The following NPY2R variants were observed in gnomAD, a reference collection of about 807,000 sequenced individuals.
NPY2R encodes the protein neuropeptide Y receptor Y2, also known as neuropeptide Y receptor type 2.
NPY2R carries 17 observed loss-of-function variants against 22.3 expected under a neutral mutation model. The ratio of observed to expected loss-of-function variants is 0.76; its 90% confidence interval spans 0.52 to 1.14. NPY2R has a LOEUF of 1.14. NPY2R is among the 50% of genes most tolerant of loss of function. The pLI, the probability that NPY2R is intolerant of heterozygous loss-of-function variation, is 0.00. For synonymous variants in NPY2R, 209 were observed against 183.4 expected, an observed-to-expected ratio of 1.14 and a Z score of -1.13; for missense variants, 424 against 467.9, an observed-to-expected ratio of 0.91 and a Z score of 0.87.
chr4:155,194,161 G>A, the NPY2R span, among the ~76,000 whole-genome samples: 85 of 150,166 alleles, frequency 5.7e-4, no homozygotes, highest in African/African-American at 1.7e-3. Context: ...ACACATTTTC[G>A]TTTGTGCAAG....
chr4:155,194,744 T>G, the NPY2R span, among the ~76,000 whole-genome samples: 1 of 152,156 alleles, frequency 6.6e-6, no homozygotes, highest in African/African-American at 2.4e-5. Flanking sequence ...TATATTCCTT[T>G]GAGTGTATAC....
the NPY2R span, among the ~76,000 whole-genome samples, chr4:155,193,026 G>C: frequency 1.3e-5 from 2 of 151,882 alleles, no homozygotes; most frequent in African/African-American, 2.4e-5. Flanking sequence ...GTGTTTGAGA[G>C]TAAAGATGTT....
chr4:155,190,952 T>C, the NPY2R span, among the ~76,000 whole-genome samples: 1 of 151,992 alleles, frequency 6.6e-6, no homozygotes, highest in Non-Finnish European at 1.5e-5. Flanking sequence ...AACTTAATTA[T>C]ATTTTCAGAA....
the NPY2R span, among the ~76,000 whole-genome samples, chr4:155,198,350 A>C: frequency 4.0e-5 from 6 of 151,022 alleles, no homozygotes; most frequent in African/African-American, 1.5e-4. Context: ...TGAATAAATA[A>C]CCCTTTTTCA....
At position 155,216,863 on chromosome 4, in the gene NPY2R, A is replaced by G. The variant is rs1474887283; in HGVS notation, c.*1778A>G. The stretch of plus-strand genomic sequence containing the variant: ...GTCACTTTGCTTAAGATGCTAATAG[A>G]AAACTGTGGTTAAAGATTTACCCTC... On this transcript the variant is annotated 3_prime_UTR_variant, in exon 2 of 2. Transcript: ENST00000329476. 1.2e-5 allele frequency: 2 copies of G among 167,186 alleles called. No individual in the cohort carries two copies. Among genetic ancestry groups the G allele is most frequent in the East Asian group, 3.9e-4 (2 of 5,182 alleles). The allele number at this position is 167,186 out of a possible 1,614,324, so 10.4% of individuals were successfully genotyped here.
At position 155,214,217 on chromosome 4, in the gene NPY2R, C is replaced by T; in HGVS notation, c.278C>T (p.Ala93Val). Residue 93 changes from alanine (A) to valine (V), a missense_variant, in exon 2 of 2, where the codon GCT (alanine) becomes GTT (valine). Ala to Val is a moderately conservative substitution (Grantham distance 64). Coordinates refer to ENST00000329476, the MANE Select transcript of NPY2R (RefSeq NM_000910.4). ...ACCAACTTTTTCATTGCCAATCTGG[C>T]TGTGGCAGATCTTTTGGTGAACACT... ...TVTNFFIANL[A>V]VADLLVNTLC... 5.0e-6 allele frequency: 8 copies of T among 1,614,146 alleles called. No homozygotes were observed. The highest frequency in any genetic ancestry group is 6.8e-6 in the Non-Finnish European group (8 of 1,179,994).
chr4:155,183,969 C>A, the NPY2R span, among the ~76,000 whole-genome samples: 1 of 152,158 alleles, frequency 6.6e-6, no homozygotes, highest in Non-Finnish European at 1.5e-5. Context: ...TAGTAAACTC[C>A]ATCCCCTCTC....
At chr4:155,174,484 A>ATATATATATATATATATATATTTTTTT in the NPY2R span, among the ~76,000 whole-genome samples, 4 of 106,070 alleles carry the variant, frequency 3.8e-5, no homozygotes, top group East Asian at 2.9e-4. Context: ...ATATATATAT[A>ATATATATATATATATATATATTTTTTT]TTTTTTTTTT....
chr4:155,212,182 C>T (rs1729419900), intron 1 of NPY2R, among the ~76,000 whole-genome samples: 1 of 152,120 alleles, frequency 6.6e-6, no homozygotes, highest in African/African-American at 2.4e-5. Context: ...CAAACACATT[C>T]ATTGAAAGGT....
rs557905436 is a variant in NPY2R, at chr4:155,214,027, G to A, written c.88G>A (p.Gly30Ser). The A allele has an allele frequency of 1.3e-5, 21 of 1,614,064 alleles. No individual in the cohort carries two copies. In the African/African-American group the frequency reaches 2.8e-4, roughly 22 times the overall value. ...EQYGPQTTPR[G>S]ELVPDPEPEL... ...ATACGGGCCACAAACAACTCCTAGA[G>A]GTGAACTGGTCCCTGACCCTGAGCC... Residue 30 changes from glycine (G) to serine (S), a missense_variant, in exon 2 of 2, where the codon GGT becomes AGT. Gly to Ser is a moderately conservative substitution (Grantham distance 56). Transcript: ENST00000329476.
the NPY2R span, among the ~76,000 whole-genome samples, chr4:155,201,860 A>T: frequency 6.6e-6 from 1 of 152,136 alleles, no homozygotes; most frequent in South Asian, 2.1e-4. Context: ...GCACAGCAGG[A>T]TATCTACCAC....
chr4:155,206,320 T>G (rs969731493), upstream of NPY2R, among the ~76,000 whole-genome samples: 11 of 152,204 alleles, frequency 7.2e-5, no homozygotes, highest in South Asian at 2.1e-3. Context: ...CACCACCACT[T>G]CCACAAACTC....
chr4:155,193,990 A>G, the NPY2R span, among the ~76,000 whole-genome samples: 2 of 151,970 alleles, frequency 1.3e-5, no homozygotes, highest in African/African-American at 4.8e-5. Context: ...AAAGAGAGAC[A>G]CACAGGACTA....
the NPY2R span, among the ~76,000 whole-genome samples, chr4:155,184,211 C>A: frequency 1.4e-5 from 1 of 73,302 alleles, no homozygotes; most frequent in Non-Finnish European, 2.5e-5. Flanking sequence ...CACTGAACCC[C>A]ACCTCTAGCC....
chr4:155,184,754 G>A, the NPY2R span, among the ~76,000 whole-genome samples: 1 of 151,318 alleles, frequency 6.6e-6, no homozygotes, highest in Non-Finnish European at 1.5e-5. Flanking sequence ...AGCCTTTATT[G>A]CACAATCTAT....
chr4:155,206,264 A>G (rs114424114), upstream of NPY2R, among the ~76,000 whole-genome samples: 388 of 152,372 alleles, frequency 2.5e-3, 2 homozygotes, highest in African/African-American at 9.0e-3. Flanking sequence ...AAAGAAATCA[A>G]GCATCAATAA....
the NPY2R span, among the ~76,000 whole-genome samples, chr4:155,185,537 T>C: frequency 6.6e-6 from 1 of 152,152 alleles, no homozygotes; most frequent in Admixed American, 6.6e-5. Flanking sequence ...ATAATACTGT[T>C]AGTAGTAATT....
chr4:155,208,825 T>C lies in NPY2R; in HGVS notation c.-293T>C, dbSNP rs965223988. The stretch of plus-strand genomic sequence containing the variant: ...CCGCCCACCCCGCGAGTGAGTGCGG[T>C]GCCCAGGCGCGCTTGGCCTGAGAGG... On this transcript the variant is annotated 5_prime_UTR_variant, in exon 1 of 2. Transcript: ENST00000329476. This position sits in a 1 kb window ranked among gnomAD's most constrained non-coding sequence, Gnocchi z 5.6. The C allele has an allele frequency of 1.3e-5, 2 of 152,068 alleles. No individual in the cohort carries two copies. Among genetic ancestry groups the C allele is most frequent in the Non-Finnish European group, 2.9e-5 (2 of 68,018 alleles). The allele number at this position is 152,068 out of a possible 1,614,324, so 9.4% of individuals were successfully genotyped here.
the NPY2R span, among the ~76,000 whole-genome samples, chr4:155,174,462 T>TTATATATATATATATA: frequency 2.5e-4 from 29 of 116,602 alleles, no homozygotes; most frequent in African/African-American, 8.0e-4. Context: ...TGGCTAAGCT[T>TTATATATATATATATA]TATATATATA....
Sources: allele counts gnomAD v4.1 joint callset (sites outside exome capture counted in the v4.1 genomes callset), GRCh38; gene constraint gnomAD v4.1.1; non-coding constraint Gnocchi (gnomAD v3.1); transcripts MANE v1.5; gene names NCBI Gene and HGNC (gene_info 2026-07-23, HGNC 2026-07-21).